ZNF467: variants seen among roughly 807,000 people sequenced by gnomAD.
ZNF467 encodes zinc finger protein 467.
In ZNF467, 51 loss-of-function variants were observed where a neutral mutation model predicts 47.8. That is an observed-to-expected ratio of 1.07 (90% CI 0.85 to 1.35). The LOEUF (loss-of-function observed/expected upper bound fraction) is 1.35. Ranked by LOEUF, ZNF467 falls within the 40% of genes most tolerant of loss-of-function variation. ZNF467 has a pLI of 0.00. For missense variants in ZNF467, 992 were observed against 858.1 expected (o/e 1.16, Z -1.95); for synonymous variants, 416 against 372.9 (o/e 1.12, Z -1.33).
At chr7:149,774,871 C>T (rs77422304), upstream of ZNF467, among the ~76,000 whole-genome samples, 65 of 152,198 alleles carry the variant, frequency 4.3e-4, no homozygotes, top group African/African-American at 1.5e-3. This position sits in a 1 kb window ranked among gnomAD's most constrained non-coding sequence, Gnocchi z 5.7. Context: ...AAGGAGAGCC[C>T]GGCCCAGCTC....
At chr7:149,771,124 C>A in intron 1 of ZNF467, 50 bp from the exon 2 acceptor site, 5 of 1,547,592 alleles carry the variant, frequency 3.2e-6, no homozygotes, top group Non-Finnish European at 4.5e-6. Flanking sequence ...CCAGCTTCCA[C>A]CTGGGCCCTG....
At chr7:149,776,115 T>G, upstream of ZNF467, 3 of 1,357,124 alleles carry the variant, frequency 2.2e-6, no homozygotes, top group Non-Finnish European at 2.9e-6. Context: ...CCTGGACCCC[T>G]CTGACAAGGG....
Position 149,765,328 on chromosome 7 carries a change from C to G in ZNF467, c.1174G>C (p.Gly392Arg). 1 of 1,495,482 alleles carries G rather than the reference C, an allele frequency of 6.7e-7. No homozygotes were observed. The highest frequency in any genetic ancestry group is 1.4e-5 in the African/African-American group (1 of 71,980). 92.6% of individuals were successfully genotyped at this position (1,495,482 alleles called of 1,614,324 possible). ...GCGGCGGGGGCATCCACGGTGGCGC[C>G]CAGTGCGCACTCATCGCACCCAAAG... ...RPFGCDECAL[G>R]ATVDAPAAKP... The change falls in exon 5 of 5, where the codon GGC (glycine) becomes CGC (arginine). Residue 392 changes from glycine to arginine, a missense_variant. By Grantham distance (125) the Gly-to-Arg change is moderately radical (BLOSUM62 -2). Transcript: ENST00000302017.
chr7:149,770,420 C>G lies in ZNF467; in HGVS notation c.151+20G>C. 1.3e-6 allele frequency: 2 copies of G among 1,589,744 alleles called. No individual in the cohort carries two copies. Among genetic ancestry groups the G allele is most frequent in the South Asian group, 2.2e-5 (2 of 88,988 alleles). ...CAGGGGGACTCCTCCCTGAGCCTTT[C>G]CAGGGTTCCTGTTACCTACCTGAGC... On this transcript the variant is annotated intron_variant, in intron 3 of 4. Coordinates refer to ENST00000302017, the MANE Select transcript of ZNF467 (RefSeq NM_207336.3).
At position 149,764,938 on chromosome 7, in the gene ZNF467, G is replaced by A. The variant is rs746749618; in HGVS notation, c.1564C>T (p.Arg522Cys). The stretch of plus-strand genomic sequence containing the variant: ...AGGTTGGTTTTGGAGCTGAAGCTGC[G>A]GGCGCAGACGGCGCAGGCGTGGGGG... ...SRPHACAVCARSFSSKTNLVR... is the reference protein window; with the variant it reads ...SRPHACAVCACSFSSKTNLVR... Residue 522 changes from arginine to cysteine, a missense_variant, in exon 5 of 5, where the codon CGC (arginine) becomes TGC (cysteine). Coordinates refer to ENST00000302017, the MANE Select transcript of ZNF467 (RefSeq NM_207336.3). 1.3e-6 allele frequency: 2 copies of A among 1,577,894 alleles called. No homozygotes were observed. Among genetic ancestry groups the A allele is most frequent in the East Asian group, 2.3e-5 (1 of 44,270 alleles).
In ZNF467 at chr7:149,764,959, G is replaced by A; in HGVS notation, c.1543C>T (p.His515Tyr). Residue 515 changes from histidine (H) to tyrosine (Y), a missense_variant, in exon 5 of 5, where the codon CAC becomes TAC. Coordinates refer to ENST00000302017, the MANE Select transcript of ZNF467 (RefSeq NM_207336.3). Reference sequence around the variant, plus strand: ...CTGCGGGCGCAGACGGCGCAGGCGTGGGGGCGGCTGCCAGTGTGCACCGCC... The same window carrying A: ...CTGCGGGCGCAGACGGCGCAGGCGTAGGGGCGGCTGCCAGTGTGCACCGCC... ...HQAVHTGSRP[H>Y]ACAVCARSFS... is the part of the protein sequence containing the mutation. 4 of 1,588,644 alleles carry A rather than the reference G, an allele frequency of 2.5e-6. No homozygotes were observed. The highest frequency in any genetic ancestry group is 2.3e-5 in the East Asian group (1 of 44,354).
At position 149,769,793 on chromosome 7, in the gene ZNF467, G is replaced by T. The variant is rs1260066548; in HGVS notation, c.152-593C>A. Among the ~76,000 whole-genome samples, 1 of 152,124 alleles carries T rather than the reference G, an allele frequency of 6.6e-6. No individual in the cohort carries two copies. The highest frequency in any genetic ancestry group is 1.5e-5 in the Non-Finnish European group (1 of 68,020). ...AGCCTGGGCTTCAAGGGATCCTCCT[G>T]CCCCAGCCTCCCAAGTAGCTGGGAA... On this transcript the variant is annotated intron_variant, in intron 3 of 4. Transcript: ENST00000302017. The surrounding 1 kb of genome is among the most constrained non-coding windows in gnomAD (Gnocchi z 5.3).
rs2117387660 is a variant in ZNF467 at position 149,765,153 on chromosome 7, G to A, written c.1349C>T (p.Pro450Leu). 1 of 1,491,750 alleles carries A rather than the reference G, an allele frequency of 6.7e-7. No homozygotes were observed. Among genetic ancestry groups the A allele is most frequent in the African/African-American group, 1.4e-5 (1 of 69,200 alleles). 92.4% of individuals were successfully genotyped at this position (1,491,750 alleles called of 1,614,324 possible). Residue 450 changes from proline to leucine, a missense_variant, in exon 5 of 5, where the codon CCG (proline) becomes CTG (leucine). Physicochemically the swap from Pro to Leu is moderately conservative, Grantham distance 98. Coordinates refer to ENST00000302017, the MANE Select transcript of ZNF467 (RefSeq NM_207336.3). ...GGGCCGTTCGCCCGTGTGCACGCGC[G>A]GGTGCCGCGCCAGGTGCTGCCCATG... ...FSHGQHLARH[P>L]RVHTGERPFA...
rs761958841 is a variant in ZNF467 at position 149,764,963 on chromosome 7, G to A, written c.1539C>T (p.Arg513=). ...GGGCGCAGACGGCGCAGGCGTGGGGGCGGCTGCCAGTGTGCACCGCCTGGT... is the reference window on the plus strand; with the variant it reads ...GGGCGCAGACGGCGCAGGCGTGGGGACGGCTGCCAGTGTGCACCGCCTGGT... ...GRHQAVHTGS[R]PHACAVCARS... The change falls in exon 5 of 5, where the codon CGC becomes CGT. Residue 513 remains arginine (R), a synonymous_variant. Transcript: ENST00000302017. 6.3e-6 allele frequency: 10 copies of A among 1,589,476 alleles called. No individual in the cohort carries two copies. In the African/African-American group the frequency reaches 8.1e-5, roughly 13 times the overall value.
rs1799369211 is a variant in ZNF467 at position 149,770,530 on chromosome 7, C to G, written c.61G>C (p.Ala21Pro). The G allele has an allele frequency of 6.2e-7, 1 of 1,613,326 alleles. No homozygotes were observed. Among genetic ancestry groups the G allele is most frequent in the Admixed American group, 1.7e-5 (1 of 59,908 alleles). ...LGFSVGQPEM[A>P]PQSEPREGSH... ...CCTTCCCTGGGCTCACTTTGGGGGG[C>G]CATCTCTGGCTGTCCCACAGAGAAT... is the stretch of plus-strand genomic sequence containing the variant. The change falls in exon 3 of 5, where the codon GCC becomes CCC. Residue 21 changes from alanine (A) to proline (P), a missense_variant. By Grantham distance (27) the Ala-to-Pro change is conservative. Transcript: ENST00000302017.
intron 4 of ZNF467, among the ~76,000 whole-genome samples, chr7:149,766,640 G>T (rs1315152873): frequency 6.6e-6 from 1 of 152,168 alleles, no homozygotes; most frequent in Non-Finnish European, 1.5e-5. Flanking sequence ...GCTCTCCTTG[G>T]TACTGCAAAC....
intron 2 of ZNF467, 37 bp from the exon 3 acceptor site, chr7:149,770,593 C>T: frequency 6.4e-7 from 1 of 1,563,892 alleles, no homozygotes. Flanking sequence ...AGTAAAGCAT[C>T]CAGTACAGAA....
Position 149,764,579 on chromosome 7 carries a change from G to C in ZNF467, c.*135C>G, listed in dbSNP as rs1799081760. 6.7e-7 allele frequency: 1 copy of C among 1,484,092 alleles called. No homozygotes were observed. The highest frequency in any genetic ancestry group is 1.7e-4 in the Middle Eastern group (1 of 5,884). 91.9% of individuals were successfully genotyped at this position (1,484,092 alleles called of 1,614,324 possible). On this transcript the variant is annotated 3_prime_UTR_variant, in exon 5 of 5. Transcript: ENST00000302017. ...GGTATGCTGTGCGGACGCAGACACT[G>C]CGGGAAGGAAACAGGTGTCCCGCGG...
At position 149,765,721 on chromosome 7, in the gene ZNF467, A is replaced by C. The variant is rs1309750944; in HGVS notation, c.781T>G (p.Ser261Ala). The change falls in exon 5 of 5, where the codon TCG (serine) becomes GCG (alanine). Residue 261 changes from serine to alanine, a missense_variant. By Grantham distance (99) the Ser-to-Ala change is moderately conservative (BLOSUM62 1). Coordinates refer to ENST00000302017, the MANE Select transcript of ZNF467 (RefSeq NM_207336.3). ...KRFSQKIHLG[S>A]HQKTHTGERP... ...TCGCCGGTGTGGGTCTTTTGGTGCG[A>C]GCCCAGGTGGATCTTCTGGCTGAAG... is the stretch of plus-strand genomic sequence containing the variant. The C allele has an allele frequency of 3.7e-6, 6 of 1,610,580 alleles. No homozygotes were observed. The Admixed American group carries it at 8.4e-5, about 22-fold the overall frequency.
chr7:149,767,926 TTC>T (rs956626416), intron 4 of ZNF467, among the ~76,000 whole-genome samples: 1 of 152,060 alleles, frequency 6.6e-6, no homozygotes, highest in Non-Finnish European at 1.5e-5. Flanking sequence ...CCAACTTTCT[TTC>T]TCCCAGGCAT....
rs779742341 is a variant in ZNF467 at position 149,771,024 on chromosome 7, C to G, written c.9G>C (p.Glu3Asp). The G allele has an allele frequency of 2.5e-5, 40 of 1,614,014 alleles. No individual in the cohort carries two copies. Among genetic ancestry groups the G allele is most frequent in the Non-Finnish European group, 3.4e-5 (40 of 1,179,908 alleles). The change falls in exon 2 of 5, where the codon GAG becomes GAC. Residue 3 changes from glutamate to aspartate, a missense_variant. By Grantham distance (45) the Glu-to-Asp change is conservative. Transcript: ENST00000302017. ...CCAGGGAGCTGAGGGCCTCCAAGGT[C>G]TCTCTCATGGTAACCCAGAGTAGCT... MR[E>D]TLEALSSLGF... is the part of the protein sequence containing the mutation.
rs779995089 is a variant in ZNF467, at chr7:149,765,105, C to G, written c.1397G>C (p.Arg466Pro). ...CAGATTAGGCCGCGAGCCGAAGCGG[C>G]GGTCACACTGCGTGCAGGCGAAGGG... is the stretch of plus-strand genomic sequence containing the variant. ...ERPFACTQCD[R>P]RFGSRPNLVA... Residue 466 changes from arginine (R) to proline (P), a missense_variant, in exon 5 of 5, where the codon CGC becomes CCC. Coordinates refer to ENST00000302017, the MANE Select transcript of ZNF467 (RefSeq NM_207336.3). 1 of 1,467,208 alleles carries G rather than the reference C, an allele frequency of 6.8e-7. No homozygotes were observed. Among genetic ancestry groups the G allele is most frequent in the Non-Finnish European group, 9.0e-7 (1 of 1,113,208 alleles). The allele number at this position is 1,467,208 out of a possible 1,614,324, so 90.9% of individuals were successfully genotyped here.
chr7:149,765,951 C>G lies in ZNF467; in HGVS notation c.551G>C (p.Gly184Ala), dbSNP rs757971687. 184 of 1,552,610 alleles carry G rather than the reference C, an allele frequency of 1.2e-4. No homozygotes were observed. In the Middle Eastern group the frequency reaches 2.4e-3, roughly 20 times the overall value. Residue 184 changes from glycine to alanine, a missense_variant, in exon 5 of 5, where the codon GGC (glycine) becomes GCC (alanine). Transcript: ENST00000302017. ...TLRLHQRLHR[G>A]EGPCACPDCG... Reference sequence around the variant, plus strand: ...GTCCGGGCAGGCGCAGGGGCCCTCGCCCCGGTGCAGCCGCTGGTGCAGTCG... The same window carrying G: ...GTCCGGGCAGGCGCAGGGGCCCTCGGCCCGGTGCAGCCGCTGGTGCAGTCG...
Position 149,765,963 on chromosome 7 carries a change from C to A in ZNF467, c.539G>T (p.Arg180Leu). ...RDQLTLRLHQ[R>L]LHRGEGPCAC... is the part of the protein sequence containing the mutation. ...GCAGGGGCCCTCGCCCCGGTGCAGC[C>A]GCTGGTGCAGTCGCAACGTCAGCTG... The change falls in exon 5 of 5, where the codon CGG becomes CTG. Residue 180 changes from arginine (R) to leucine (L), a missense_variant. Arg to Leu is a moderately radical substitution (Grantham distance 102). Transcript: ENST00000302017. 2.6e-6 allele frequency: 4 copies of A among 1,553,498 alleles called. No homozygotes were observed. Among genetic ancestry groups the A allele is most frequent in the Non-Finnish European group, 3.5e-6 (4 of 1,149,464 alleles).
Sources: gnomAD v4.1 joint callset for allele counts (sites outside exome capture counted in the v4.1 genomes callset) on GRCh38, gnomAD v4.1.1 for gene constraint, Gnocchi (gnomAD v3.1) non-coding constraint, MANE v1.5 for transcripts, NCBI Gene and HGNC (gene_info 2026-07-23, HGNC 2026-07-21) for gene names.